Variants in CTBP2 observed in about 807,000 individuals in gnomAD.
CTBP2 encodes the protein C-terminal binding protein 2.
CTBP2 carries 30 observed loss-of-function variants against 80.3 expected under a neutral mutation model. The ratio of observed to expected loss-of-function variants is 0.37; its 90% CI spans 0.28 to 0.51. The LOEUF is 0.51. Ranked by LOEUF, CTBP2 falls within the 20% of genes least tolerant of loss-of-function variation. CTBP2 has a pLI of 0.93. For synonymous variants in CTBP2, 594 were observed against 587.4 expected (o/e 1.01, Z -0.16); for missense variants, 1,212 against 1,375.3 (o/e 0.88, Z 1.88).
chr10:125,019,343 C>A (rs932993172), intron 1 of CTBP2, among the ~76,000 whole-genome samples: 4 of 152,062 alleles, frequency 2.6e-5, no homozygotes, highest in Non-Finnish European at 5.9e-5. Context: ...ACCAAAAAAA[C>A]CTCTCCCACG....
upstream of CTBP2, among the ~76,000 whole-genome samples, chr10:125,031,499 A>C (rs1958201957): frequency 1.4e-5 from 2 of 147,450 alleles, no homozygotes; most frequent in African/African-American, 5.2e-5. Context: ...AAAAAAAAAA[A>C]AAAAAAAAAA....
chr10:125,013,255 G>A (rs906081890), intron 1 of CTBP2, among the ~76,000 whole-genome samples: 1 of 151,944 alleles, frequency 6.6e-6, no homozygotes, highest in Admixed American at 6.6e-5. Context: ...TGTAGCCAAG[G>A]GGCCGCCTGG....
chr10:125,004,547 CAA>C (rs1954975992), intron 1 of CTBP2, among the ~76,000 whole-genome samples: 1 of 152,186 alleles, frequency 6.6e-6, no homozygotes, highest in African/African-American at 2.4e-5. Context: ...ACCCTGGACA[CAA>C]GAGAACAACT....
intron 2 of CTBP2, among the ~76,000 whole-genome samples, chr10:125,104,176 G>T (rs1000679536): frequency 6.6e-6 from 1 of 152,184 alleles, no homozygotes; most frequent in Non-Finnish European, 1.5e-5. Context: ...GATGCTCACG[G>T]GGACATTCGA....
chr10:125,071,624 G>A (rs989423633), intron 2 of CTBP2, among the ~76,000 whole-genome samples: 1 of 152,178 alleles, frequency 6.6e-6, no homozygotes. Flanking sequence ...CAGGAGAATG[G>A]ACCAGTCCGC....
At chr10:125,065,710 C>A (rs1429627064) in intron 2 of CTBP2, among the ~76,000 whole-genome samples, 1 of 152,206 alleles carries the variant, frequency 6.6e-6, no homozygotes, top group Non-Finnish European at 1.5e-5. Flanking sequence ...AGAAATCCCA[C>A]TAAATTTACA....
At chr10:125,034,650 T>G (rs1251012960) in intron 3 of CTBP2, among the ~76,000 whole-genome samples, 1 of 152,200 alleles carries the variant, frequency 6.6e-6, no homozygotes, top group Non-Finnish European at 1.5e-5. Context: ...TAGGCAGGCT[T>G]CAACTCTGTT....
chr10:125,131,914 C>T (rs754012292), intron 1 of CTBP2, among the ~76,000 whole-genome samples: 10 of 152,128 alleles, frequency 6.6e-5, no homozygotes, highest in Non-Finnish European at 1.5e-4. Flanking sequence ...ATGGAGCCTC[C>T]GACAGATACT....
intron 1 of CTBP2, among the ~76,000 whole-genome samples, chr10:125,025,189 G>A (rs190847059): frequency 1.8e-4 from 28 of 152,258 alleles, no homozygotes; most frequent in Admixed American, 7.2e-4. Flanking sequence ...TCTGAATGAC[G>A]TAGGGGAGGC....
chr10:125,078,558 C>T (rs1846658430), intron 2 of CTBP2, among the ~76,000 whole-genome samples: 1 of 151,406 alleles, frequency 6.6e-6, no homozygotes, highest in South Asian at 2.1e-4. Flanking sequence ...CATTTCCTCA[C>T]AAATTCTACC....
intron 1 of CTBP2, among the ~76,000 whole-genome samples, chr10:125,154,922 C>T (rs1860651698): frequency 6.6e-6 from 1 of 152,138 alleles, no homozygotes; most frequent in African/African-American, 2.4e-5. Context: ...CCTAATGCTA[C>T]CAACAGATTA....
chr10:125,001,619 G>T (rs527328010), intron 3 of CTBP2: 9 of 152,394 alleles, frequency 5.9e-5, no homozygotes, highest in Admixed American at 2.6e-4. Flanking sequence ...GACCCTAAGG[G>T]GTGTGGAATC....
At chr10:125,117,545 G>A (rs567401968) in intron 1 of CTBP2, among the ~76,000 whole-genome samples, 2 of 152,286 alleles carry the variant, frequency 1.3e-5, no homozygotes, top group East Asian at 3.9e-4. Context: ...CAAGCTCACT[G>A]GGCATGAAGC....
rs555512850 is a variant in CTBP2, at chr10:125,043,475, C to T, written c.-101-4320G>A. Reference sequence around the variant, plus strand: ...TTTTTGAGAAGGAGTCTTGCTCTGTCGCCCAGGCTGGAGTGCAGGGGCGCA... The same window carrying T: ...TTTTTGAGAAGGAGTCTTGCTCTGTTGCCCAGGCTGGAGTGCAGGGGCGCA... On this transcript the variant is annotated intron_variant, in intron 2 of 10. Coordinates refer to the CTBP2 transcript ENST00000337195. Among the ~76,000 whole-genome samples the T allele has an allele frequency of 4.6e-5, 7 of 152,122 alleles. No individual in the cohort carries two copies. In the East Asian group the frequency reaches 5.8e-4, roughly 13 times the overall value.
intron 1 of CTBP2, among the ~76,000 whole-genome samples, chr10:125,128,100 G>A (rs553804715): frequency 2.6e-5 from 4 of 152,246 alleles, no homozygotes; most frequent in East Asian, 3.9e-4. Context: ...CCCAGATGCC[G>A]GGTTCTGGGG....
chr10:125,032,684 T>G (rs933496520), upstream of CTBP2: 1 of 154,668 alleles, frequency 6.5e-6, no homozygotes, highest in Non-Finnish European at 1.5e-5. Context: ...ATCACGTGCT[T>G]TTCATTTTGT....
intron 2 of CTBP2, among the ~76,000 whole-genome samples, chr10:125,081,852 G>A (rs947899088): frequency 6.6e-6 from 1 of 152,092 alleles, no homozygotes; most frequent in Non-Finnish European, 1.5e-5. Context: ...TGGAAAGACA[G>A]GCGGGTCAGG....
intron 1 of CTBP2, among the ~76,000 whole-genome samples, chr10:125,004,202 G>C (rs1954928157): frequency 6.6e-6 from 1 of 152,160 alleles, no homozygotes; most frequent in Non-Finnish European, 1.5e-5. Flanking sequence ...ACAAGTCCAA[G>C]TACAAATTCT....
chr10:125,151,349 A>T (rs1352466472), intron 1 of CTBP2, among the ~76,000 whole-genome samples: 1 of 152,168 alleles, frequency 6.6e-6, no homozygotes, highest in African/African-American at 2.4e-5. Flanking sequence ...AGAACGCAGC[A>T]GAGGCGCGCA....
Sources: allele counts gnomAD v4.1 joint callset (sites outside exome capture counted in the v4.1 genomes callset), GRCh38; gene constraint gnomAD v4.1.1; transcripts MANE v1.5; gene names NCBI Gene and HGNC (gene_info 2026-07-23, HGNC 2026-07-21).